NKAIN2: variants seen among roughly 807,000 people sequenced by gnomAD.
NKAIN2 encodes the protein sodium/potassium transporting ATPase interacting 2, also known as sodium/potassium-transporting ATPase subunit beta-1-interacting protein 2.
In NKAIN2, 14 loss-of-function variants were observed where a neutral mutation model predicts 32.6. The ratio of observed to expected loss-of-function variants is 0.43; its 90% CI spans 0.28 to 0.67. The LOEUF is 0.67. Among genes scored for constraint, NKAIN2 ranks in the 30% least tolerant of loss-of-function variants. NKAIN2 has a pLI of 0.17. For missense variants in NKAIN2, 198 were observed against 258.3 expected, an observed-to-expected ratio of 0.77 and a Z score of 1.60; for synonymous variants, 80 against 87.2, an observed-to-expected ratio of 0.92 and a Z score of 0.46.
At chr6:124,677,930 A>G (rs969574429) in intron 4 of NKAIN2, among the ~76,000 whole-genome samples, 4 of 151,742 alleles carry the variant, frequency 2.6e-5, no homozygotes, top group African/African-American at 7.3e-5. Context: ...GTTTTTCTTT[A>G]TCCAGGAATG....
intron 3 of NKAIN2, among the ~76,000 whole-genome samples, chr6:124,533,471 C>CA (rs201100605): frequency 0.012 from 726 of 58,958 alleles, 39 homozygotes; most frequent in African/African-American, 0.048. Context: ...GACTCTGTCT[C>CA]AAAAAAAAAA....
intron 1 of NKAIN2, among the ~76,000 whole-genome samples, chr6:124,069,717 T>A (rs1421377739): frequency 1.3e-4 from 20 of 152,112 alleles, no homozygotes; most frequent in Non-Finnish European, 2.8e-4. Flanking sequence ...ATAGAAGTGA[T>A]GTTGCTAATT....
intron 2 of NKAIN2, among the ~76,000 whole-genome samples, chr6:124,348,459 G>A (rs1201951588): frequency 1.3e-5 from 2 of 152,222 alleles, no homozygotes; most frequent in Non-Finnish European, 1.5e-5. Flanking sequence ...GAGGCAGGCA[G>A]GCCTCCTTGA....
chr6:123,868,754 A>G (rs1459442029), intron 1 of NKAIN2, among the ~76,000 whole-genome samples: 1 of 152,206 alleles, frequency 6.6e-6, no homozygotes, highest in African/African-American at 2.4e-5. Flanking sequence ...CATCTTACAC[A>G]TTTTGTGTAG....
chr6:124,776,679 C>G (rs913237808), intron 4 of NKAIN2, among the ~76,000 whole-genome samples: 17 of 152,160 alleles, frequency 1.1e-4, no homozygotes, highest in African/African-American at 4.1e-4. Flanking sequence ...AGCCTGAACT[C>G]TCTTATTATA....
At chr6:124,634,593 A>G (rs985250774) in intron 3 of NKAIN2, among the ~76,000 whole-genome samples, 1 of 152,156 alleles carries the variant, frequency 6.6e-6, no homozygotes, top group African/African-American at 2.4e-5. Flanking sequence ...CATGTGGGAT[A>G]CAATTAAGTA....
intron 1 of NKAIN2, among the ~76,000 whole-genome samples, chr6:124,216,859 A>G (rs537646529): frequency 1.8e-4 from 27 of 152,322 alleles, no homozygotes; most frequent in African/African-American, 6.3e-4. Context: ...CCTCAAAACA[A>G]TGGTTCATTA....
intron 2 of NKAIN2, among the ~76,000 whole-genome samples, chr6:124,340,503 AT>A (rs1294436320): frequency 1.3e-5 from 2 of 151,780 alleles, no homozygotes; most frequent in Non-Finnish European, 1.5e-5. Flanking sequence ...CCCAATAGTT[AT>A]TTTTTCTGCT....
At chr6:124,462,291 T>G (rs1214289202) in intron 3 of NKAIN2, among the ~76,000 whole-genome samples, 1 of 151,948 alleles carries the variant, frequency 6.6e-6, no homozygotes, top group Non-Finnish European at 1.5e-5. Context: ...ATTCTCAGTC[T>G]TTTCAGTCAT....
intron 4 of NKAIN2, among the ~76,000 whole-genome samples, chr6:124,705,007 C>CTT (rs1774983885): frequency 6.6e-6 from 1 of 151,974 alleles, no homozygotes; most frequent in Non-Finnish European, 1.5e-5. Context: ...CAAATCTACC[C>CTT]TCTTTTCTTT....
At chr6:124,473,419 T>C (rs992451252) in intron 3 of NKAIN2, among the ~76,000 whole-genome samples, 27 of 152,192 alleles carry the variant, frequency 1.8e-4, no homozygotes, top group African/African-American at 6.5e-4. Flanking sequence ...CACTACTTAA[T>C]AAGATATACA....
chr6:124,029,338 T>C (rs1050938668), intron 1 of NKAIN2, among the ~76,000 whole-genome samples: 3 of 151,862 alleles, frequency 2.0e-5, no homozygotes, highest in African/African-American at 7.3e-5. Context: ...TTACAATCCT[T>C]CTGGATTTCT....
chr6:124,455,594 G>A (rs1214325063), intron 3 of NKAIN2, among the ~76,000 whole-genome samples: 2 of 151,694 alleles, frequency 1.3e-5, no homozygotes, highest in African/African-American at 4.8e-5. Flanking sequence ...AGTCTCTTTG[G>A]TTTGATTCCT....
intron 4 of NKAIN2, among the ~76,000 whole-genome samples, chr6:124,694,242 C>G (rs1774388524): frequency 6.6e-6 from 1 of 152,116 alleles, no homozygotes; most frequent in Admixed American, 6.6e-5. Flanking sequence ...TTCTGTTGTC[C>G]TGGCACATAT....
chr6:123,858,126 T>TA (rs1562223270), intron 1 of NKAIN2, among the ~76,000 whole-genome samples: 20 of 152,066 alleles, frequency 1.3e-4, no homozygotes, highest in African/African-American at 4.8e-4. Context: ...TATTATTTTT[T>TA]TTTTTTTGAG....
chr6:124,029,245 T>A (rs573573978), intron 1 of NKAIN2, among the ~76,000 whole-genome samples: 123 of 152,180 alleles, frequency 8.1e-4, no homozygotes, highest in African/African-American at 2.9e-3. Context: ...TTGCATCCTG[T>A]TTATTTCTTA....
intron 1 of NKAIN2, among the ~76,000 whole-genome samples, chr6:124,140,322 A>C (rs1430346478): frequency 6.6e-6 from 1 of 152,250 alleles, no homozygotes. Context: ...ACTGAAAAGC[A>C]TAAATTTATA....
In NKAIN2 at chr6:124,461,769, G is replaced by A. The variant is rs563263167; in HGVS notation, c.273+106422G>A. The stretch of plus-strand genomic sequence containing the variant: ...TCTCTAAAATATTTTACCAGTAGTG[G>A]GAGAAGAACTGCCACATGGCTTCTA... On this transcript the variant is annotated intron_variant, in intron 3 of 6. Transcript: ENST00000368417. Among the ~76,000 whole-genome samples, 20 of 151,824 alleles carry A rather than the reference G, an allele frequency of 1.3e-4. No homozygotes were observed. In the South Asian group the frequency reaches 4.1e-3, roughly 31 times the overall value.
chr6:123,872,367 A>T (rs560279923), intron 1 of NKAIN2, among the ~76,000 whole-genome samples: 1 of 152,342 alleles, frequency 6.6e-6, no homozygotes, highest in African/African-American at 2.4e-5. Flanking sequence ...AGCAGCAGCC[A>T]GGTTGTTTAC....
Sources: gnomAD v4.1 joint callset for allele counts (sites outside exome capture counted in the v4.1 genomes callset) on GRCh38, gnomAD v4.1.1 for gene constraint, MANE v1.5 for transcripts, NCBI Gene and HGNC (gene_info 2026-07-23, HGNC 2026-07-21) for gene names.